Variants in LRPAP1 observed in about 807,000 individuals in gnomAD.
LRPAP1 encodes the protein alpha-2-macroglobulin receptor-associated protein.
LRPAP1 carries 41 observed loss-of-function variants against 39.9 expected under a neutral mutation model. The observed-to-expected ratio is 1.03, with a 90% CI of 0.80 to 1.33. LRPAP1 has a LOEUF of 1.33. Among genes scored for constraint, LRPAP1 ranks in the 40% most tolerant of loss-of-function variants. The pLI is 0.00. For missense variants in LRPAP1, 565 were observed against 482.3 expected, an observed-to-expected ratio of 1.17 and a Z score of -1.61; for synonymous variants, 263 against 212.7, an observed-to-expected ratio of 1.24 and a Z score of -2.06.
At chr4:3,526,708 C>A (rs1252429100) in intron 1 of LRPAP1, among the ~76,000 whole-genome samples, 1 of 152,216 alleles carries the variant, frequency 6.6e-6, no homozygotes, top group East Asian at 1.9e-4. Context: ...CACTCCGGAA[C>A]CTCCTCGCCT....
At chr4:3,514,667 A>G in intron 7 of LRPAP1, 85 bp downstream of exon 7, 1 of 1,484,644 alleles carries the variant, frequency 6.7e-7, no homozygotes, top group Non-Finnish European at 9.0e-7. Flanking sequence ...CACCCCATCT[A>G]CAGGAAGCCC....
chr4:3,520,798 T>C (rs1236141730), intron 2 of LRPAP1, among the ~76,000 whole-genome samples: 1 of 152,248 alleles, frequency 6.6e-6, no homozygotes, highest in Non-Finnish European at 1.5e-5. Flanking sequence ...GAATAAATAG[T>C]CTGCAGTGTG....
chr4:3,523,838 G>A (rs977141334), intron 2 of LRPAP1, among the ~76,000 whole-genome samples: 10 of 152,210 alleles, frequency 6.6e-5, no homozygotes, highest in African/African-American at 2.4e-4. Flanking sequence ...AAGTGCGATG[G>A]CAGCCACCCC....
At chr4:3,519,674 T>G (rs917774533) in intron 3 of LRPAP1, among the ~76,000 whole-genome samples, 3 of 152,092 alleles carry the variant, frequency 2.0e-5, no homozygotes, top group African/African-American at 7.2e-5. Flanking sequence ...AGGCACAGGG[T>G]GAAAGCCCAG....
In LRPAP1 at chr4:3,514,820, C is replaced by G. The variant is rs747474387; in HGVS notation, c.943G>C (p.Glu315Gln). 1.9e-6 allele frequency: 3 copies of G among 1,613,452 alleles called. No individual in the cohort carries two copies. The highest frequency in any genetic ancestry group is 1.7e-6 in the Non-Finnish European group (2 of 1,179,896). ...TTCTCGCGGCTGCGGCTCACACGCT[C>G]GCCGTCGCCCACGCTCTCTGCGTGC... is the stretch of plus-strand genomic sequence containing the variant. ...LRHAESVGDG[E>Q]RVSRSREKHA... The change falls in exon 7 of 8, where the codon GAG becomes CAG. Residue 315 changes from glutamate (E) to glutamine (Q), a missense_variant. Coordinates refer to ENST00000650182, the MANE Select transcript of LRPAP1 (RefSeq NM_002337.4).
At chr4:3,526,828 T>C (rs1199308909) in intron 1 of LRPAP1, among the ~76,000 whole-genome samples, 1 of 152,192 alleles carries the variant, frequency 6.6e-6, no homozygotes, top group Non-Finnish European at 1.5e-5. Flanking sequence ...AGCTGGGTGC[T>C]GGGGCTGTCA....
At chr4:3,531,731 C>T (rs973297615) in intron 1 of LRPAP1, among the ~76,000 whole-genome samples, 1 of 152,256 alleles carries the variant, frequency 6.6e-6, no homozygotes, top group Non-Finnish European at 1.5e-5. Context: ...CCCATCTCCT[C>T]ACCTCCTCAT....
intron 1 of LRPAP1, chr4:3,531,863 C>G (rs1464198838): frequency 2.8e-6 from 1 of 352,640 alleles, no homozygotes; most frequent in Non-Finnish European, 5.2e-6. Flanking sequence ...GTTGAGGGAA[C>G]AGGCAAAGGC....
chr4:3,514,053 G>A (rs1428507671), intron 7 of LRPAP1, among the ~76,000 whole-genome samples: 1 of 152,236 alleles, frequency 6.6e-6, no homozygotes, highest in Non-Finnish European at 1.5e-5. Flanking sequence ...GGAGCGCCCT[G>A]CAAACCCCAC....
At chr4:3,515,971 CA>C (rs1379576464) in intron 6 of LRPAP1, 144 bp downstream of exon 6, 26 of 766,340 alleles carry the variant, frequency 3.4e-5, no homozygotes, top group Non-Finnish European at 4.9e-5. Context: ...AAAACGCAAG[CA>C]GGTTCACCGA....
intron 1 of LRPAP1, among the ~76,000 whole-genome samples, chr4:3,525,395 T>C (rs767183513): frequency 2.6e-5 from 4 of 152,044 alleles, no homozygotes; most frequent in Non-Finnish European, 5.9e-5. Context: ...AGGAAGAAGA[T>C]ACCCACTGCA....
chr4:3,518,341 C>T, intron 4 of LRPAP1, 149 bp from the exon 5 acceptor site: 1 of 832,244 alleles, frequency 1.2e-6, no homozygotes, highest in Non-Finnish European at 1.8e-6. Flanking sequence ...TGCAGCGCCG[C>T]AGAAACGACC....
rs111558413 is a variant in LRPAP1, at chr4:3,512,174, C to A, written c.*800G>T. On this transcript the variant is annotated 3_prime_UTR_variant, in exon 8 of 8. Transcript: ENST00000650182. ...ATTCTCGGAGCCGGACCTGAGCAAC[C>A]GCCAGTCCATCAGCTATGGTCAGAG... 2.0e-5 allele frequency: 3 copies of A among 151,794 alleles called. No homozygotes were observed. The highest frequency in any genetic ancestry group is 7.2e-5 in the African/African-American group (3 of 41,408). 9.4% of individuals were successfully genotyped at this position (151,794 alleles called of 1,614,324 possible).
At chr4:3,513,814 C>A (rs1207713570) in intron 7 of LRPAP1, among the ~76,000 whole-genome samples, 1 of 152,216 alleles carries the variant, frequency 6.6e-6, no homozygotes, top group Non-Finnish European at 1.5e-5. Flanking sequence ...GTAGCTCTCC[C>A]CAGATTCTCA....
intron 7 of LRPAP1, 143 bp from the exon 8 acceptor site, chr4:3,513,179 C>T (rs1729587560): frequency 1.6e-6 from 1 of 631,652 alleles, no homozygotes; most frequent in Non-Finnish European, 2.8e-6. Flanking sequence ...CACACCCATC[C>T]AGAAATGCTC....
chr4:3,518,829 G>A (rs1338143223), intron 4 of LRPAP1, 42 bp downstream of exon 4: 67 of 1,321,450 alleles, frequency 5.1e-5, no homozygotes, highest in Non-Finnish European at 6.6e-5. Context: ...GGGGCAGGAG[G>A]GGGTGGGGCA....
intron 4 of LRPAP1, 60 bp downstream of exon 4, chr4:3,518,811 A>AGGGGTGGGGGGCAGGAG: frequency 1.4e-6 from 1 of 709,030 alleles, no homozygotes; most frequent in Non-Finnish European, 1.8e-6. Flanking sequence ...CAGGTGCAGG[A>AGGGGTGGGGGGCAGGAG]GGGGTGGGGG....
chr4:3,517,005 G>C (rs550581507), intron 5 of LRPAP1, among the ~76,000 whole-genome samples: 171 of 152,342 alleles, frequency 1.1e-3, no homozygotes, highest in Admixed American at 2.5e-3. Context: ...GCCCTTTCCT[G>C]CATGGACTAT....
rs1467938400 is a variant in LRPAP1, at chr4:3,532,131, C to T, written c.204+78G>A. ...GGCTGCGCCCCCCTCCGCCTCCGAC[C>T]CCTGGGCCCCGCTCCAACGACCCCA... On this transcript the variant is annotated intron_variant, in intron 1 of 7. Coordinates refer to ENST00000650182, the MANE Select transcript of LRPAP1 (RefSeq NM_002337.4). 3 of 1,485,256 alleles carry T rather than the reference C, an allele frequency of 2.0e-6. No individual in the cohort carries two copies. In the African/African-American group the frequency reaches 4.2e-5, roughly 21 times the overall value. The allele number at this position is 1,485,256 out of a possible 1,614,324, so 92.0% of individuals were successfully genotyped here.
Sources: allele counts gnomAD v4.1 joint callset (sites outside exome capture counted in the v4.1 genomes callset), GRCh38; gene constraint gnomAD v4.1.1; transcripts MANE v1.5; gene names NCBI Gene and HGNC (gene_info 2026-07-23, HGNC 2026-07-21).